Variants in NUP42 observed in about 807,000 individuals in gnomAD.
NUP42 encodes nucleoporin 42, also known as nucleoporin NUP42.
A neutral mutation model predicts 35.9 loss-of-function variants in NUP42; 47 were observed. The ratio of observed to expected loss-of-function variants is 1.31; its 90% CI spans 1.04 to 1.67. The LOEUF is 1.67. NUP42 is among the 40% of genes most tolerant of loss of function. NUP42 has a pLI of 0.00. For synonymous variants in NUP42, 173 were observed against 173.3 expected (o/e 1.00, Z 0.01); for missense variants, 514 against 492.2 (o/e 1.04, Z -0.42).
intron 2 of NUP42, 52 bp downstream of exon 2, chr7:23,185,350 C>G: frequency 8.3e-7 from 1 of 1,203,542 alleles, no homozygotes; most frequent in Non-Finnish European, 1.2e-6. Context: ...TGTTTTTTCA[C>G]CTACAATCTT....
intron 6 of NUP42, 62 bp from the exon 7 acceptor site, chr7:23,200,106 G>T: frequency 1.7e-6 from 2 of 1,163,144 alleles, no homozygotes; most frequent in Middle Eastern, 2.8e-4. Flanking sequence ...GGAAATAATT[G>T]TGACATTTTT....
At chr7:23,196,035 G>T in intron 4 of NUP42, 120 bp downstream of exon 4, 1 of 436,182 alleles carries the variant, frequency 2.3e-6, no homozygotes, top group Non-Finnish European at 4.0e-6. Context: ...TCAGGAGTAG[G>T]CTATTTTTCT....
Position 23,187,033 on chromosome 7 carries a change from T to G in NUP42, c.351-19T>G. 1 of 1,518,650 alleles carries G rather than the reference T, an allele frequency of 6.6e-7. No homozygotes were observed. The highest frequency in any genetic ancestry group is 8.9e-7 in the Non-Finnish European group (1 of 1,121,424). 94.1% of individuals were successfully genotyped at this position (1,518,650 alleles called of 1,614,324 possible). A position where few individuals can be genotyped will look rare whatever the true frequency, so the allele number is the denominator to read the frequency against. ...GCTAAGAAGATCCTTTACTCTTTTT[T>G]TTTTTTTCTTTTTTGCAGGGAAGGA... On this transcript the variant is annotated intron_variant, in intron 2 of 6. Coordinates refer to ENST00000258742, the MANE Select transcript of NUP42 (RefSeq NM_007342.3).
At position 23,200,722 on chromosome 7, in the gene NUP42, C is replaced by T. The variant is rs749347742; in HGVS notation, c.1249C>T (p.Pro417Ser). 1.3e-6 allele frequency: 2 copies of T among 1,587,574 alleles called. No homozygotes were observed. The highest frequency in any genetic ancestry group is 1.2e-5 in the South Asian group (1 of 86,536). Residue 417 changes from proline (P) to serine (S), a missense_variant, in exon 7 of 7, where the codon CCT (proline) becomes TCT (serine). Physicochemically the swap from Pro to Ser is moderately conservative, Grantham distance 74. Coordinates refer to ENST00000258742, the MANE Select transcript of NUP42 (RefSeq NM_007342.3). ...GGGAAAAATTCCATTAAAGCCTCCACCTCTGGAACTTCTAAATGTTTAAAA... is the reference window on the plus strand; with the variant it reads ...GGGAAAAATTCCATTAAAGCCTCCATCTCTGGAACTTCTAAATGTTTAAAA... ...TLGKIPLKPPPLELLNV is the reference protein window; with the variant it reads ...TLGKIPLKPPSLELLNV
chr7:23,197,190 A>G (rs1409161503), intron 5 of NUP42: 1 of 1,300,268 alleles, frequency 7.7e-7, no homozygotes, highest in Admixed American at 2.3e-5. Context: ...TTTGGAAGAT[A>G]TATACCCACC....
intron 3 of NUP42, among the ~76,000 whole-genome samples, chr7:23,190,547 C>T (rs1785755451): frequency 6.6e-6 from 1 of 152,074 alleles, no homozygotes; most frequent in Non-Finnish European, 1.5e-5. Flanking sequence ...CTTTGGGGTC[C>T]TTAATGATTT....
chr7:23,200,143 T>C (rs1786160252), intron 6 of NUP42, 25 bp from the exon 7 acceptor site: 1 of 1,453,016 alleles, frequency 6.9e-7, no homozygotes, highest in African/African-American at 1.4e-5. Context: ...TTTGTTGTTT[T>C]TTTTGTTGTT....
chr7:23,185,007 A>G (rs1049353211), intron 1 of NUP42, 63 bp from the exon 2 acceptor site: 14 of 1,390,244 alleles, frequency 1.0e-5, no homozygotes, highest in African/African-American at 1.5e-5. Flanking sequence ...CCCTATCTCA[A>G]TTAAAAAGAA....
intron 4 of NUP42, chr7:23,196,167 A>G: frequency 4.2e-6 from 1 of 237,434 alleles, no homozygotes; most frequent in Non-Finnish European, 8.0e-6. Context: ...CAGAAATGAA[A>G]CCCTTTTATC....
chr7:23,190,520 C>G (rs1785754318), intron 3 of NUP42, among the ~76,000 whole-genome samples: 1 of 152,130 alleles, frequency 6.6e-6, no homozygotes, highest in Admixed American at 6.5e-5. Context: ...TGTAAGTAAC[C>G]CTTGTAAACA....
chr7:23,199,443 A>C lies in NUP42; in HGVS notation c.610-15A>C, dbSNP rs769520905. ...TCATCAAGCACTTTATTATTTGCACACTTTTTTTTTTCAGCTCTCTGATGT... is the reference window on the plus strand; with the variant it reads ...TCATCAAGCACTTTATTATTTGCACCCTTTTTTTTTTCAGCTCTCTGATGT... On this transcript the variant is annotated splice_polypyrimidine_tract_variant and intron_variant, in intron 5 of 6. Transcript: ENST00000258742. 57 of 1,588,444 alleles carry C rather than the reference A, an allele frequency of 3.6e-5. No individual in the cohort carries two copies. The highest frequency in any genetic ancestry group is 5.0e-5 in the Admixed American group (3 of 59,880).
intron 3 of NUP42, chr7:23,188,248 C>T (rs538127125): frequency 8.0e-7 from 1 of 1,244,356 alleles, no homozygotes; most frequent in South Asian, 4.0e-5. Flanking sequence ...CTTATTTATT[C>T]ACTTGTCCAT....
intron 5 of NUP42, among the ~76,000 whole-genome samples, chr7:23,198,845 A>G (rs1786107954): frequency 6.6e-6 from 1 of 152,206 alleles, no homozygotes; most frequent in Non-Finnish European, 1.5e-5. Context: ...ATAGACACTG[A>G]AAAAAATTTA....
In NUP42 at chr7:23,200,898, T is replaced by C. The variant is rs1300626364; in HGVS notation, c.*153T>C. ...ATTTGATTTTTTTCTTAACTCTAAA[T>C]ATTTAAGTAAAAAGTAACAAAAACT... On this transcript the variant is annotated 3_prime_UTR_variant, in exon 7 of 7. Coordinates refer to ENST00000258742, the MANE Select transcript of NUP42 (RefSeq NM_007342.3). The C allele has an allele frequency of 1.4e-5, 6 of 439,940 alleles. No individual in the cohort carries two copies. The highest frequency in any genetic ancestry group is 4.1e-5 in the African/African-American group (2 of 49,200). The allele number at this position is 439,940 out of a possible 1,614,324, so 27.3% of individuals were successfully genotyped here.
chr7:23,193,552 G>T (rs1785889297), intron 3 of NUP42, among the ~76,000 whole-genome samples: 4 of 152,190 alleles, frequency 2.6e-5, no homozygotes, highest in Admixed American at 2.6e-4. Context: ...GTGCTGATTG[G>T]TGTGTTTACA....
chr7:23,200,151 G>A lies in NUP42; in HGVS notation c.695-17G>A. 1 of 1,467,622 alleles carries A rather than the reference G, an allele frequency of 6.8e-7. No homozygotes were observed. 90.9% of individuals were successfully genotyped at this position (1,467,622 alleles called of 1,614,324 possible). ...ATAGATTTTTGTTGTTTTTTTTGTTGTTGTTGTTGTTTGTAGGCTTTCCAG... is the reference window on the plus strand; with the variant it reads ...ATAGATTTTTGTTGTTTTTTTTGTTATTGTTGTTGTTTGTAGGCTTTCCAG... On this transcript the variant is annotated splice_polypyrimidine_tract_variant and intron_variant, in intron 6 of 6. Coordinates refer to ENST00000258742, the MANE Select transcript of NUP42 (RefSeq NM_007342.3).
chr7:23,193,881 G>A (rs1276685392), intron 3 of NUP42, among the ~76,000 whole-genome samples: 1 of 152,252 alleles, frequency 6.6e-6, no homozygotes, highest in Non-Finnish European at 1.5e-5. Context: ...CTGCCCCGCA[G>A]GGAGGCAGCT....
chr7:23,187,249 C>A, intron 3 of NUP42, 103 bp downstream of exon 3: 1 of 737,104 alleles, frequency 1.4e-6, no homozygotes, highest in Non-Finnish European at 2.3e-6. Flanking sequence ...TTAGCTACAA[C>A]TAGGAGAGTT....
At chr7:23,198,247 C>G (rs1206221261) in intron 5 of NUP42, 1 of 122,130 alleles carries the variant, frequency 8.2e-6, no homozygotes, top group African/African-American at 3.5e-5. Flanking sequence ...GAGTCTCACT[C>G]TGTCACCCAG....
Sources: gnomAD v4.1 joint callset for allele counts (sites outside exome capture counted in the v4.1 genomes callset) on GRCh38, gnomAD v4.1.1 for gene constraint, MANE v1.5 for transcripts, NCBI Gene and HGNC (gene_info 2026-07-23, HGNC 2026-07-21) for gene names.